Variants in ING3 observed in about 807,000 individuals in gnomAD.
The protein encoded by ING3 is inhibitor of growth protein 3.
Under a neutral mutation model 64.8 loss-of-function variants are expected in ING3, and 6 were observed. The observed-to-expected ratio is 0.09, with a 90% CI of 0.05 to 0.18. The LOEUF is 0.18. ING3 is among the 10% of genes least tolerant of loss of function. ING3 has a pLI of 1.00. For missense variants in ING3, 310 were observed against 489.7 expected (o/e 0.63, Z 3.46); for synonymous variants, 170 against 173.7 (o/e 0.98, Z 0.17).
Position 120,976,579 on chromosome 7 carries a change from T to A in ING3, c.*1735T>A, listed in dbSNP as rs1796138003. ...GATAAATAATGTAGTATTCAATTCG[T>A]TTATCAAAGTATATTGCCTGGAAAT... On this transcript the variant is annotated 3_prime_UTR_variant, in exon 12 of 12. Coordinates refer to ENST00000315870, the MANE Select transcript of ING3 (RefSeq NM_019071.3). The A allele has an allele frequency of 6.6e-6, 1 of 152,208 alleles. No individual in the cohort carries two copies. The highest frequency in any genetic ancestry group is 2.1e-4 in the South Asian group (1 of 4,832). 9.4% of individuals were successfully genotyped at this position (152,208 alleles called of 1,614,324 possible).
chr7:120,955,522 ATTAAT>A (rs769549181), intron 3 of ING3, 32 bp from the exon 4 acceptor site: 16 of 1,356,124 alleles, frequency 1.2e-5, no homozygotes, highest in South Asian at 7.3e-5. Context: ...TTTTAAAATG[ATTAAT>A]TTATTTTTGA....
chr7:120,956,270 T>C, intron 4 of ING3: 1 of 1,517,368 alleles, frequency 6.6e-7, no homozygotes, highest in Non-Finnish European at 8.8e-7. Context: ...TCTCCTAAAA[T>C]ATACACTTTA....
intron 4 of ING3, among the ~76,000 whole-genome samples, chr7:120,963,838 A>G (rs1700629709): frequency 6.6e-6 from 1 of 152,188 alleles, no homozygotes; most frequent in Non-Finnish European, 1.5e-5. Flanking sequence ...ACATGTTGAT[A>G]TCTGTAAGAA....
rs1209014722 is a variant in ING3 at position 120,975,229 on chromosome 7, T to G, written c.*385T>G. ...TATTCAACAGGTATATTCTGCTGCATGTACTGTACTCCAGAGCTGTTATGT... is the reference window on the plus strand; with the variant it reads ...TATTCAACAGGTATATTCTGCTGCAGGTACTGTACTCCAGAGCTGTTATGT... On this transcript the variant is annotated 3_prime_UTR_variant, in exon 12 of 12. Coordinates refer to ENST00000315870, the MANE Select transcript of ING3 (RefSeq NM_019071.3). 4 of 156,066 alleles carry G rather than the reference T, an allele frequency of 2.6e-5. No homozygotes were observed. Among genetic ancestry groups the G allele is most frequent in the Admixed American group, 1.9e-4 (3 of 15,648 alleles). 9.7% of individuals were successfully genotyped at this position (156,066 alleles called of 1,614,324 possible).
rs1363563257 is a variant in ING3 at position 120,976,581 on chromosome 7, TA to T, written c.*1738del. ...TAAATAATGTAGTATTCAATTCGTT[TA>T]TCAAAGTATATTGCCTGGAAATGCT... On this transcript the variant is annotated 3_prime_UTR_variant, in exon 12 of 12. Transcript: ENST00000315870. 3.9e-5 allele frequency: 6 copies of T among 152,214 alleles called. No homozygotes were observed. In the East Asian group the frequency reaches 1.2e-3, roughly 29 times the overall value. The allele number at this position is 152,214 out of a possible 1,614,324, so 9.4% of individuals were successfully genotyped here.
At chr7:120,961,251 A>G (rs1485112922) in intron 4 of ING3, among the ~76,000 whole-genome samples, 2 of 152,222 alleles carry the variant, frequency 1.3e-5, no homozygotes, top group Non-Finnish European at 2.9e-5. Flanking sequence ...TTAGAGATAT[A>G]AAGAATCATT....
At chr7:120,960,523 C>G (rs559236948) in intron 4 of ING3, among the ~76,000 whole-genome samples, 2 of 152,154 alleles carry the variant, frequency 1.3e-5, no homozygotes, top group East Asian at 1.9e-4. Flanking sequence ...GATTTTATCC[C>G]TCAGTGTTTT....
Position 120,976,720 on chromosome 7 carries a change from T to G in ING3, c.*1876T>G, listed in dbSNP as rs1796139656. 6.6e-6 allele frequency: 1 copy of G among 152,216 alleles called. No individual in the cohort carries two copies. The highest frequency in any genetic ancestry group is 1.9e-4 in the East Asian group (1 of 5,198). The allele number at this position is 152,216 out of a possible 1,614,324, so 9.4% of individuals were successfully genotyped here. On this transcript the variant is annotated 3_prime_UTR_variant, in exon 12 of 12. Transcript: ENST00000315870. The stretch of plus-strand genomic sequence containing the variant: ...ACAGCCTTATTTGAAGAGAAAGTTC[T>G]TTGTCTGAGTCAGGAACATCCTGTT...
chr7:120,961,292 C>G (rs1315677581), intron 4 of ING3, among the ~76,000 whole-genome samples: 1 of 152,142 alleles, frequency 6.6e-6, no homozygotes, highest in East Asian at 1.9e-4. Flanking sequence ...AAATACTTTG[C>G]TATCATGGTT....
chr7:120,961,441 C>G (rs1460972100), intron 4 of ING3, among the ~76,000 whole-genome samples: 4 of 152,004 alleles, frequency 2.6e-5, no homozygotes, highest in Non-Finnish European at 5.9e-5. Context: ...AGCTAGACAT[C>G]TAAATTTTAT....
chr7:120,966,531 C>T (rs963466475), intron 5 of ING3, 95 bp from the exon 6 acceptor site: 1 of 921,194 alleles, frequency 1.1e-6, no homozygotes, highest in South Asian at 1.3e-5. Context: ...TAGTCCTCTG[C>T]TGGGTAAGGG....
rs1796133673 is a variant in ING3, at chr7:120,976,361, A to G, written c.*1517A>G. On this transcript the variant is annotated 3_prime_UTR_variant, in exon 12 of 12. Coordinates refer to ENST00000315870, the MANE Select transcript of ING3 (RefSeq NM_019071.3). Reference sequence around the variant, plus strand: ...CAGTGCTACCCAAAGGGTGTGAGGTAGATAGGGGATTTCAAAGATCTCTTC... The same window carrying G: ...CAGTGCTACCCAAAGGGTGTGAGGTGGATAGGGGATTTCAAAGATCTCTTC... The G allele has an allele frequency of 1.3e-5, 2 of 152,130 alleles. No homozygotes were observed. Among genetic ancestry groups the G allele is most frequent in the Middle Eastern group, 3.2e-3 (1 of 316 alleles). The allele number at this position is 152,130 out of a possible 1,614,324, so 9.4% of individuals were successfully genotyped here.
chr7:120,968,590 A>G lies in ING3; in HGVS notation c.715-421A>G, dbSNP rs1327510750. Among the ~76,000 whole-genome samples the G allele has an allele frequency of 3.3e-5, 5 of 152,176 alleles. No individual in the cohort carries two copies. In the South Asian group the frequency reaches 8.3e-4, roughly 25 times the overall value. ...CCAGGCATGGTGACTCACACCTGTA[A>G]TCCCAGCTCTTTGATAGGCCGAGGC... On this transcript the variant is annotated intron_variant, in intron 8 of 11. Coordinates refer to ENST00000315870, the MANE Select transcript of ING3 (RefSeq NM_019071.3).
rs533770971 is a variant in ING3, at chr7:120,957,981, G to A, written c.267+2357G>A. Among the ~76,000 whole-genome samples the A allele has an allele frequency of 3.3e-5, 5 of 152,314 alleles. No homozygotes were observed. The South Asian group carries it at 1.0e-3, about 32-fold the overall frequency. ...TACATACAATGCTATTAGTTTGGCA[G>A]ATAGTAGGATTTGCTCCTTCTTTAA... On this transcript the variant is annotated intron_variant, in intron 4 of 11. Transcript: ENST00000315870.
intron 4 of ING3, among the ~76,000 whole-genome samples, chr7:120,958,745 A>T (rs1285619739): frequency 6.6e-6 from 1 of 152,232 alleles, no homozygotes; most frequent in Admixed American, 6.5e-5. Flanking sequence ...TCTATACCAC[A>T]GCATTTAAAC....
intron 4 of ING3, chr7:120,956,243 T>C: frequency 1.9e-6 from 3 of 1,568,336 alleles, no homozygotes; most frequent in South Asian, 1.2e-5. Context: ...TGGTGCTCTT[T>C]TTCATTTGAA....
chr7:120,952,667 G>A (rs996299669), intron 2 of ING3, among the ~76,000 whole-genome samples: 1 of 151,894 alleles, frequency 6.6e-6, no homozygotes, highest in Non-Finnish European at 1.5e-5. Flanking sequence ...GTCTTTAAAA[G>A]GCTATTGTGG....
intron 4 of ING3, among the ~76,000 whole-genome samples, chr7:120,963,881 G>T (rs1403078298): frequency 6.6e-6 from 1 of 152,102 alleles, no homozygotes; most frequent in African/African-American, 2.4e-5. Context: ...AATCCAGTGG[G>T]AAACTAGACT....
At chr7:120,955,876 A>G in intron 4 of ING3, 3 of 569,156 alleles carry the variant, frequency 5.3e-6, no homozygotes, top group Non-Finnish European at 9.3e-6. Context: ...CTGATGTTAG[A>G]TATTTTTTAA....
Sources: allele counts gnomAD v4.1 joint callset (sites outside exome capture counted in the v4.1 genomes callset), GRCh38; gene constraint gnomAD v4.1.1; transcripts MANE v1.5; gene names NCBI Gene and HGNC (gene_info 2026-07-23, HGNC 2026-07-21).